AP3B1: variants seen among roughly 807,000 people sequenced by gnomAD.
AP3B1 encodes AP-3 complex subunit beta-1.
A neutral mutation model predicts 132.5 loss-of-function variants in AP3B1; 61 were observed. The observed-to-expected ratio is 0.46, with a 90% CI of 0.37 to 0.57. AP3B1 has a LOEUF of 0.57. Among genes scored for constraint, AP3B1 ranks in the 20% least tolerant of loss-of-function variants. AP3B1 has a pLI of 0.00. For missense variants in AP3B1, 1,120 were observed against 1,289.4 expected, an observed-to-expected ratio of 0.87 and a Z score of 2.01; for synonymous variants, 388 against 438.3, an observed-to-expected ratio of 0.89 and a Z score of 1.43.
At chr5:78,157,217 C>T (rs1421814363) in intron 13 of AP3B1, among the ~76,000 whole-genome samples, 4 of 152,000 alleles carry the variant, frequency 2.6e-5, no homozygotes, top group African/African-American at 9.7e-5. Context: ...GCTCCTGCTC[C>T]TCACACCCCT....
At chr5:78,289,962 C>T (rs1391591075) in intron 1 of AP3B1, among the ~76,000 whole-genome samples, 2 of 152,094 alleles carry the variant, frequency 1.3e-5, no homozygotes, top group Non-Finnish European at 2.9e-5. Context: ...ATCTTTCCTC[C>T]CCCTGGCAAA....
At chr5:78,006,708 G>A (rs1373783725) in intron 26 of AP3B1, among the ~76,000 whole-genome samples, 2 of 152,200 alleles carry the variant, frequency 1.3e-5, no homozygotes, top group Non-Finnish European at 2.9e-5. Context: ...GCCTGTGTAT[G>A]ACGGGCTCCA....
chr5:78,208,750 T>C (rs1314085724), intron 7 of AP3B1, among the ~76,000 whole-genome samples: 2 of 152,288 alleles, frequency 1.3e-5, no homozygotes, highest in East Asian at 1.9e-4. Flanking sequence ...GAATATTTAA[T>C]ATTCCAATGG....
intron 22 of AP3B1, among the ~76,000 whole-genome samples, chr5:78,039,837 CA>C (rs1262243589): frequency 2.5e-4 from 37 of 148,096 alleles, no homozygotes; most frequent in African/African-American, 8.6e-4. Context: ...AACCTCCAAG[CA>C]TATATTAATA....
chr5:78,253,711 A>C (rs1380377380), intron 2 of AP3B1, among the ~76,000 whole-genome samples: 1 of 152,180 alleles, frequency 6.6e-6, no homozygotes, highest in African/African-American at 2.4e-5. Flanking sequence ...TCACGCCTGT[A>C]ATCCCAGCAC....
chr5:78,170,966 C>A (rs1743886039), intron 11 of AP3B1, among the ~76,000 whole-genome samples: 1 of 152,110 alleles, frequency 6.6e-6, no homozygotes, highest in Non-Finnish European at 1.5e-5. Flanking sequence ...AGCCAGTTTT[C>A]CCAGCACCAT....
In AP3B1 at chr5:78,225,582, A is replaced by G; in HGVS notation, c.563T>C (p.Leu188Ser). The change falls in exon 6 of 27, where the codon TTA becomes TCA. Residue 188 changes from leucine to serine, a missense_variant. By Grantham distance (145) the Leu-to-Ser change is moderately radical (BLOSUM62 -2). Coordinates refer to ENST00000255194, the MANE Select transcript of AP3B1 (RefSeq NM_003664.5). ...YSLDPEQKEM[L>S]IEVIEKLLKD... The stretch of plus-strand genomic sequence containing the variant: ...CAGAAGTTTTTCAATTACTTCAATT[A>G]ACATTTCCTTCTGCTCTGGATCAAG... 6.3e-7 allele frequency: 1 copy of G among 1,583,214 alleles called. No homozygotes were observed. Among genetic ancestry groups the G allele is most frequent in the Non-Finnish European group, 8.7e-7 (1 of 1,154,248 alleles).
chr5:78,058,762 AC>A (rs1315269059), intron 22 of AP3B1, among the ~76,000 whole-genome samples: 1 of 152,210 alleles, frequency 6.6e-6, no homozygotes, highest in Non-Finnish European at 1.5e-5. Flanking sequence ...GAACTCTATG[AC>A]TAGTGAGTTA....
chr5:78,144,072 G>A (rs1753277037), intron 14 of AP3B1, among the ~76,000 whole-genome samples: 1 of 151,676 alleles, frequency 6.6e-6, no homozygotes, highest in Non-Finnish European at 1.5e-5. Context: ...AAAATAAATA[G>A]GAACACTGAA....
In AP3B1 at chr5:78,228,274, T is replaced by C. The variant is rs561812292; in HGVS notation, c.280-35A>G. The stretch of plus-strand genomic sequence containing the variant: ...AAAAATCATTTATTCATAACCAGAG[T>C]GAAAATTTAAAACTCAGTATTTGCT... On this transcript the variant is annotated intron_variant, in intron 3 of 26. Transcript: ENST00000255194. 10 of 1,510,886 alleles carry C rather than the reference T, an allele frequency of 6.6e-6. No individual in the cohort carries two copies. In the African/African-American group the frequency reaches 1.2e-4, roughly 19 times the overall value. 93.6% of individuals were successfully genotyped at this position (1,510,886 alleles called of 1,614,324 possible).
At chr5:78,017,775 C>G (rs1746918283) in intron 25 of AP3B1, among the ~76,000 whole-genome samples, 1 of 151,944 alleles carries the variant, frequency 6.6e-6, no homozygotes, top group Non-Finnish European at 1.5e-5. Flanking sequence ...AGAGCCTGTT[C>G]ATATATAATA....
At chr5:78,278,625 AGGG>A (rs771858500) in intron 1 of AP3B1, among the ~76,000 whole-genome samples, 3,089 of 52,288 alleles carry the variant, frequency 0.059, 490 homozygotes, top group East Asian at 0.19. Flanking sequence ...AAAAAAAAAA[AGGG>A]GGGGGGGGAC....
chr5:78,256,288 AAAG>A (rs1223926515), intron 2 of AP3B1, among the ~76,000 whole-genome samples: 3 of 152,096 alleles, frequency 2.0e-5, no homozygotes, highest in Non-Finnish European at 4.4e-5. Context: ...CTAAGAAAAA[AAAG>A]AGAAAAATCC....
At chr5:78,015,277 A>G in intron 26 of AP3B1, 133 bp downstream of exon 26, 2 of 968,812 alleles carry the variant, frequency 2.1e-6, no homozygotes, top group Non-Finnish European at 3.1e-6. Context: ...TACCATCAGA[A>G]AAAAAAGGGA....
At position 78,082,822 on chromosome 5, in the gene AP3B1, T is replaced by C. The variant is rs902233427; in HGVS notation, c.2577+6571A>G. ...CATTTGGGGATTGCCTTGGGAACCC[T>C]TTTTTTTTTTTAGACGGAGTTTCGC... On this transcript the variant is annotated intron_variant, in intron 22 of 26. Coordinates refer to ENST00000255194, the MANE Select transcript of AP3B1 (RefSeq NM_003664.5). Among the ~76,000 whole-genome samples, 7 of 143,986 alleles carry C rather than the reference T, an allele frequency of 4.9e-5. No homozygotes were observed. In the South Asian group the frequency reaches 1.3e-3, roughly 27 times the overall value. 94.5% of individuals were successfully genotyped at this position (143,986 alleles called of 152,430 possible).
At chr5:78,252,938 C>T (rs1747702355) in intron 2 of AP3B1, among the ~76,000 whole-genome samples, 1 of 152,194 alleles carries the variant, frequency 6.6e-6, no homozygotes, top group East Asian at 1.9e-4. Context: ...CAGTCCTGTG[C>T]TGGCTTCAGG....
At chr5:78,179,483 T>C (rs1293070888) in intron 8 of AP3B1, among the ~76,000 whole-genome samples, 2 of 152,230 alleles carry the variant, frequency 1.3e-5, no homozygotes, top group Non-Finnish European at 2.9e-5. Context: ...TTGAAATGTA[T>C]AGGCTAATTT....
chr5:78,141,858 G>A (rs1345322960), intron 14 of AP3B1, among the ~76,000 whole-genome samples: 1 of 152,118 alleles, frequency 6.6e-6, no homozygotes, highest in Non-Finnish European at 1.5e-5. Flanking sequence ...GTATTTCTGT[G>A]GTGGGGCCCA....
intron 22 of AP3B1, among the ~76,000 whole-genome samples, chr5:78,057,190 G>A (rs574646079): frequency 6.6e-6 from 1 of 152,276 alleles, no homozygotes; most frequent in Admixed American, 6.5e-5. Flanking sequence ...ATCGACTGAG[G>A]TTTGCTTCAG....
Sources: allele counts gnomAD v4.1 joint callset (sites outside exome capture counted in the v4.1 genomes callset), GRCh38; gene constraint gnomAD v4.1.1; transcripts MANE v1.5; gene names NCBI Gene and HGNC (gene_info 2026-07-23, HGNC 2026-07-21).